Variants in PDE4B observed in about 807,000 individuals in gnomAD.
PDE4B encodes phosphodiesterase 4B.
Under a neutral mutation model 82.2 loss-of-function variants are expected in PDE4B, and 20 were observed. That is an observed-to-expected ratio of 0.24 (90% CI 0.17 to 0.35). The LOEUF (loss-of-function observed/expected upper bound fraction) is 0.35, where lower values mean the gene tolerates loss of function less well. Among genes scored for constraint, PDE4B ranks in the 10% least tolerant of loss-of-function variants. PDE4B has a pLI of 1.00. For synonymous variants in PDE4B, 320 were observed against 318.9 expected, an observed-to-expected ratio of 1.00 and a Z score of -0.04; for missense variants, 655 against 907.2, an observed-to-expected ratio of 0.72 and a Z score of 3.57.
At chr1:65,926,722 G>T (rs2310752) in intron 3 of PDE4B, among the ~76,000 whole-genome samples, 5 of 151,694 alleles carry the variant, frequency 3.3e-5, no homozygotes, top group Non-Finnish European at 1.5e-5. Context: ...CACTTCTTTT[G>T]CTTTCTCTTG....
intron 3 of PDE4B, among the ~76,000 whole-genome samples, chr1:66,198,989 T>G (rs1223935084): frequency 6.6e-6 from 1 of 152,122 alleles, no homozygotes; most frequent in Non-Finnish European, 1.5e-5. Context: ...ATGTGCCACA[T>G]TTTCTTAATC....
chr1:66,228,974 A>G (rs192085298), intron 3 of PDE4B, among the ~76,000 whole-genome samples: 1 of 143,490 alleles, frequency 7.0e-6, no homozygotes. Context: ...GCAATTTCAT[A>G]AGGTCTGACC....
chr1:66,368,701 C>T, intron 15 of PDE4B, 86 bp from the exon 16 acceptor site: 1 of 1,041,602 alleles, frequency 9.6e-7, no homozygotes, highest in Non-Finnish European at 1.3e-6. Context: ...GGGTTTAGTA[C>T]CAAGCGTACT....
intron 3 of PDE4B, among the ~76,000 whole-genome samples, chr1:66,092,272 T>C (rs887093711): frequency 6.6e-6 from 1 of 152,054 alleles, no homozygotes; most frequent in Non-Finnish European, 1.5e-5. Flanking sequence ...TGAACTGACA[T>C]ACTGGATAGT....
chr1:65,934,944 T>C (rs1648043712), intron 3 of PDE4B, among the ~76,000 whole-genome samples: 1 of 152,168 alleles, frequency 6.6e-6, no homozygotes, highest in African/African-American at 2.4e-5. Flanking sequence ...CCATTTTTAA[T>C]AGTGGATAAA....
At chr1:66,359,116 T>C (rs1662551626) in intron 9 of PDE4B, among the ~76,000 whole-genome samples, 1 of 152,204 alleles carries the variant, frequency 6.6e-6, no homozygotes, top group African/African-American at 2.4e-5. Flanking sequence ...ATTTAGTTAA[T>C]ATTTTCATGA....
At chr1:66,181,209 T>G (rs991343735) in intron 3 of PDE4B, among the ~76,000 whole-genome samples, 2 of 152,228 alleles carry the variant, frequency 1.3e-5, no homozygotes, top group African/African-American at 4.8e-5. Context: ...ATTTATTGTC[T>G]GTTTCACAGC....
At chr1:66,022,649 G>C (rs899364424) in intron 3 of PDE4B, among the ~76,000 whole-genome samples, 2 of 152,168 alleles carry the variant, frequency 1.3e-5, no homozygotes, top group African/African-American at 4.8e-5. Context: ...GCATCCCAGG[G>C]ATGAAACCAA....
chr1:66,309,565 T>C (rs994566062), intron 7 of PDE4B, among the ~76,000 whole-genome samples: 25 of 152,224 alleles, frequency 1.6e-4, no homozygotes, highest in African/African-American at 5.5e-4. Context: ...CCCAGATACG[T>C]AGCACCACAG....
intron 3 of PDE4B, among the ~76,000 whole-genome samples, chr1:66,079,298 A>C (rs552991147): frequency 2.0e-5 from 3 of 152,016 alleles, no homozygotes; most frequent in East Asian, 3.9e-4. Context: ...AAATATAACT[A>C]TTTATAGTTA....
intron 3 of PDE4B, among the ~76,000 whole-genome samples, chr1:66,055,691 T>A (rs1008201375): frequency 3.3e-5 from 5 of 152,224 alleles, no homozygotes; most frequent in African/African-American, 1.2e-4. Context: ...CAGTACTGAA[T>A]GTTTAAGAAT....
At chr1:66,054,281 C>T (rs917254367) in intron 3 of PDE4B, among the ~76,000 whole-genome samples, 4 of 152,090 alleles carry the variant, frequency 2.6e-5, no homozygotes, top group Admixed American at 1.3e-4. Context: ...AACATGCATT[C>T]GGATATTTGT....
chr1:66,134,931 T>C (rs943525576), intron 3 of PDE4B, among the ~76,000 whole-genome samples: 1 of 152,212 alleles, frequency 6.6e-6, no homozygotes, highest in Non-Finnish European at 1.5e-5. Context: ...TCTGTAGGGA[T>C]AGAACTATGT....
intron 4 of PDE4B, among the ~76,000 whole-genome samples, chr1:66,248,176 G>A (rs573166634): frequency 8.5e-5 from 13 of 152,220 alleles, no homozygotes; most frequent in African/African-American, 2.9e-4. Flanking sequence ...TCCTTGGTGA[G>A]ACACAACACA....
intron 8 of PDE4B, among the ~76,000 whole-genome samples, chr1:66,335,034 G>A (rs1660409792): frequency 1.3e-5 from 2 of 152,204 alleles, no homozygotes; most frequent in Admixed American, 1.3e-4. Context: ...CAATGTTGCT[G>A]AAATTATCTG....
chr1:66,344,631 A>G (rs1023112975), intron 8 of PDE4B, among the ~76,000 whole-genome samples: 1 of 152,232 alleles, frequency 6.6e-6, no homozygotes, highest in African/African-American at 2.4e-5. Context: ...AAACAAAAGT[A>G]TGAACTCCTT....
chr1:66,168,421 T>C (rs115412254), intron 3 of PDE4B, among the ~76,000 whole-genome samples: 1,644 of 152,128 alleles, frequency 0.011, 29 homozygotes, highest in African/African-American at 0.038. Flanking sequence ...GAGGTGACAT[T>C]TGAACAAGGA....
chr1:66,105,360 A>G (rs9662702), intron 3 of PDE4B, among the ~76,000 whole-genome samples: 53,288 of 150,780 alleles, frequency 0.35, 9,491 homozygotes, highest in Middle Eastern at 0.42. Flanking sequence ...GTATAGTTTG[A>G]AGTCAGGTAG....
At chr1:66,056,075 G>C (rs563244239) in intron 3 of PDE4B, among the ~76,000 whole-genome samples, 4 of 152,128 alleles carry the variant, frequency 2.6e-5, no homozygotes, top group Non-Finnish European at 5.9e-5. Context: ...CAGGTATGTA[G>C]GTGATGCTTA....
Sources: allele counts gnomAD v4.1 joint callset (sites outside exome capture counted in the v4.1 genomes callset), GRCh38; gene constraint gnomAD v4.1.1; transcripts MANE v1.5; gene names NCBI Gene and HGNC (gene_info 2026-07-23, HGNC 2026-07-21).